The following ENTREP1 variants were observed in gnomAD, a reference collection of about 807,000 sequenced individuals.
ENTREP1 encodes the protein Friedreich ataxia region gene X123.
chr9:69,331,621 T>C, the ENTREP1 span, among the ~76,000 whole-genome samples: 1 of 152,234 alleles, frequency 6.6e-6, no homozygotes, highest in African/African-American at 2.4e-5. Flanking sequence ...GAAAGAATGC[T>C]GATGGAGTTG....
At chr9:69,350,547 C>G in the ENTREP1 span, among the ~76,000 whole-genome samples, 1 of 152,076 alleles carries the variant, frequency 6.6e-6, no homozygotes, top group South Asian at 2.1e-4. Flanking sequence ...TATTTCTTTT[C>G]ATTGTATTCT....
At chr9:69,340,722 CATGT>C in the ENTREP1 span, among the ~76,000 whole-genome samples, 1 of 22,950 alleles carries the variant, frequency 4.4e-5, no homozygotes, top group Non-Finnish European at 9.1e-5. Flanking sequence ...TGTGTGCATG[CATGT>C]GTGTGTGTAT....
At chr9:69,377,649 T>C in the ENTREP1 span, 5 of 1,614,040 alleles carry the variant, frequency 3.1e-6, no homozygotes, top group African/African-American at 5.3e-5. Context: ...CGGAGGATCA[T>C]GGACGCATCC....
the ENTREP1 span, among the ~76,000 whole-genome samples, chr9:69,337,296 C>T: frequency 6.6e-6 from 1 of 152,130 alleles, no homozygotes; most frequent in Admixed American, 6.6e-5. Context: ...GCATGAGCCA[C>T]CGCGCCTGGA....
the ENTREP1 span, among the ~76,000 whole-genome samples, chr9:69,340,047 G>C: frequency 6.6e-6 from 1 of 152,114 alleles, no homozygotes; most frequent in African/African-American, 2.4e-5. Flanking sequence ...ATTAGTTGTT[G>C]ACTGTGGAGT....
chr9:69,377,432 T>C, the ENTREP1 span: 5 of 1,614,136 alleles, frequency 3.1e-6, no homozygotes, highest in Non-Finnish European at 4.2e-6. Flanking sequence ...TGGTGGCCGC[T>C]GCCCTCCGCT....
chr9:69,371,398 AT>A, the ENTREP1 span: 1 of 897,502 alleles, frequency 1.1e-6, no homozygotes, highest in Non-Finnish European at 1.9e-6. Flanking sequence ...TTTTAAAAAA[AT>A]GTTCTCTTGG....
chr9:69,391,746 G>T, the ENTREP1 span: 1 of 1,613,806 alleles, frequency 6.2e-7, no homozygotes, highest in East Asian at 2.2e-5. Flanking sequence ...AGGCCCCGGC[G>T]AGTGGAGGCT....
At chr9:69,391,728 C>T in the ENTREP1 span, 2 of 1,613,970 alleles carry the variant, frequency 1.2e-6, no homozygotes, top group Non-Finnish European at 1.7e-6. Context: ...AGGCCCCGAG[C>T]CGAGAGGAGG....
the ENTREP1 span, chr9:69,325,189 C>T: frequency 8.8e-5 from 91 of 1,029,214 alleles, no homozygotes; most frequent in Non-Finnish European, 1.0e-4. Flanking sequence ...TTCCTTCCCT[C>T]CCCCTCGGCC....
the ENTREP1 span, among the ~76,000 whole-genome samples, chr9:69,340,733 GTA>G: frequency 2.9e-3 from 339 of 118,934 alleles, 4 homozygotes; most frequent in African/African-American, 3.7e-3. Context: ...ATGTGTGTGT[GTA>G]TGTGTGTGTG....
the ENTREP1 span, among the ~76,000 whole-genome samples, chr9:69,384,187 C>T: frequency 7.0e-6 from 1 of 143,054 alleles, no homozygotes; most frequent in African/African-American, 2.5e-5. Flanking sequence ...GAGAGAGACC[C>T]TATTTCTACA....
At chr9:69,351,812 C>T in the ENTREP1 span, among the ~76,000 whole-genome samples, 1 of 152,146 alleles carries the variant, frequency 6.6e-6, no homozygotes, top group Non-Finnish European at 1.5e-5. Flanking sequence ...CTCTTTGTTT[C>T]TTAACTGTTC....
At chr9:69,334,680 A>G in the ENTREP1 span, among the ~76,000 whole-genome samples, 1 of 151,510 alleles carries the variant, frequency 6.6e-6, no homozygotes, top group African/African-American at 2.4e-5. Flanking sequence ...TTTGATTATC[A>G]TTTCCCAATT....
the ENTREP1 span, among the ~76,000 whole-genome samples, chr9:69,345,060 A>G: frequency 6.6e-6 from 1 of 152,188 alleles, no homozygotes; most frequent in African/African-American, 2.4e-5. Flanking sequence ...TTCATTTTAA[A>G]ACATTTGGAC....
At chr9:69,391,755 C>T in the ENTREP1 span, 484 of 1,613,430 alleles carry the variant, frequency 3.0e-4, no homozygotes, top group African/African-American at 5.7e-3. Flanking sequence ...CGAGTGGAGG[C>T]TGAGCGGCCA....
At chr9:69,348,160 G>T in the ENTREP1 span, among the ~76,000 whole-genome samples, 1 of 152,140 alleles carries the variant, frequency 6.6e-6, no homozygotes, top group African/African-American at 2.4e-5. Flanking sequence ...TGTCACCCAG[G>T]CTGGAGTGCA....
At chr9:69,387,990 C>A in the ENTREP1 span, 1 of 1,302,690 alleles carries the variant, frequency 7.7e-7, no homozygotes, top group Non-Finnish European at 1.0e-6. Context: ...CAGGGAATAA[C>A]CTTGTGTTGT....
the ENTREP1 span, among the ~76,000 whole-genome samples, chr9:69,379,130 T>A: frequency 3.3e-5 from 5 of 152,230 alleles, no homozygotes; most frequent in Non-Finnish European, 2.9e-5. Flanking sequence ...AAATTTCTAT[T>A]TTTTAATCCC....
Sources: gnomAD v4.1 joint callset for allele counts (sites outside exome capture counted in the v4.1 genomes callset) on GRCh38, gnomAD v4.1.1 for gene constraint, MANE v1.5 for transcripts, NCBI Gene and HGNC (gene_info 2026-07-23, HGNC 2026-07-21) for gene names.